Variants in SFTPD observed in about 807,000 individuals in gnomAD.
SFTPD encodes the protein pulmonary surfactant-associated protein D.
Under a neutral mutation model 34.6 loss-of-function variants are expected in SFTPD, and 18 were observed. The ratio of observed to expected loss-of-function variants is 0.52; its 90% CI spans 0.36 to 0.77. The LOEUF is 0.77. Among genes scored for constraint, SFTPD ranks in the 30% least tolerant of loss-of-function variants. SFTPD has a pLI of 0.00. For missense variants in SFTPD, 433 were observed against 468.9 expected, an observed-to-expected ratio of 0.92 and a Z score of 0.71; for synonymous variants, 155 against 180.9, an observed-to-expected ratio of 0.86 and a Z score of 1.15.
chr10:79,958,012 A>C (rs1311336010), intron 1 of SFTPD, among the ~76,000 whole-genome samples: 1 of 152,224 alleles, frequency 6.6e-6, no homozygotes, highest in Admixed American at 6.5e-5. Flanking sequence ...TCTTAAAGAA[A>C]AGAATTTTCA....
chr10:79,937,840 AC>A lies in SFTPD; in HGVS notation c.*11del, dbSNP rs1842571307. On this transcript the variant is annotated 3_prime_UTR_variant, in exon 8 of 8. Transcript: ENST00000372292. Reference sequence around the variant, plus strand: ...TCCTGGGCCAAGCACTGCCCCACCCACCCCAGTTGGCTCAGAACTCGCAGAC... The same window carrying A: ...TCCTGGGCCAAGCACTGCCCCACCCACCCAGTTGGCTCAGAACTCGCAGAC... 1 of 1,527,754 alleles carries A rather than the reference AC, an allele frequency of 6.5e-7. No individual in the cohort carries two copies. 94.6% of individuals were successfully genotyped at this position (1,527,754 alleles called of 1,614,324 possible).
intron 1 of SFTPD, among the ~76,000 whole-genome samples, chr10:79,974,303 G>A (rs1842851997): frequency 6.6e-6 from 1 of 152,054 alleles, no homozygotes; most frequent in Non-Finnish European, 1.5e-5. Context: ...GAGTAGCTGG[G>A]ACTACAGGCA....
chr10:79,946,457 C>T lies in SFTPD; in HGVS notation c.199+4G>A, dbSNP rs1478528040. ...AGCAGGATAAGCCCAGGGCCCCACC[C>T]TACCTGGGTCCCCCTTCTCGCCCCG... On this transcript the variant is annotated splice_donor_region_variant and intron_variant, in intron 2 of 7. Coordinates refer to ENST00000372292, the MANE Select transcript of SFTPD (RefSeq NM_003019.5). 1.2e-6 allele frequency: 2 copies of T among 1,610,830 alleles called. No homozygotes were observed. The highest frequency in any genetic ancestry group is 1.7e-6 in the Non-Finnish European group (2 of 1,177,384).
chr10:79,937,791 C>A lies in SFTPD; in HGVS notation c.*61G>T. On this transcript the variant is annotated 3_prime_UTR_variant, in exon 8 of 8. Coordinates refer to ENST00000372292, the MANE Select transcript of SFTPD (RefSeq NM_003019.5). ...ATTAGGATATTGGCAGCATGAGGGT[C>A]TAAGCCTTGACTTCTGGCCAAACTC... 1 of 1,495,282 alleles carries A rather than the reference C, an allele frequency of 6.7e-7. No individual in the cohort carries two copies. The highest frequency in any genetic ancestry group is 1.4e-5 in the South Asian group (1 of 73,744). The allele number at this position is 1,495,282 out of a possible 1,614,324, so 92.6% of individuals were successfully genotyped here.
intron 1 of SFTPD, 147 bp downstream of exon 1, chr10:79,948,919 G>A (rs1236819359): frequency 2.6e-5 from 4 of 152,292 alleles, no homozygotes; most frequent in African/African-American, 9.7e-5. Context: ...AAGACCTCCT[G>A]TGCTCCCCAC....
chr10:79,958,626 GCA>G (rs1354640165), intron 1 of SFTPD, among the ~76,000 whole-genome samples: 3 of 152,192 alleles, frequency 2.0e-5, no homozygotes, highest in African/African-American at 7.2e-5. Flanking sequence ...CAATACAGGA[GCA>G]CCCAGATTCA....
intron 1 of SFTPD, among the ~76,000 whole-genome samples, chr10:79,963,804 G>A (rs753788149): frequency 1.4e-4 from 21 of 152,158 alleles, no homozygotes; most frequent in Non-Finnish European, 1.2e-4. Context: ...CTCTAGGATA[G>A]TGGCCTCCAG....
At chr10:79,945,854 A>T (rs1474958928) in intron 2 of SFTPD, among the ~76,000 whole-genome samples, 2 of 152,154 alleles carry the variant, frequency 1.3e-5, no homozygotes, top group Non-Finnish European at 2.9e-5. Context: ...AATGGTTGCT[A>T]CTTAGCCTCT....
upstream of SFTPD, chr10:79,949,983 G>T (rs984405797): frequency 6.6e-6 from 1 of 151,600 alleles, no homozygotes; most frequent in Admixed American, 6.6e-5. Flanking sequence ...CTTTACAGGT[G>T]AGCATGATCA....
At chr10:79,945,233 C>T (rs1017215512) in intron 2 of SFTPD, among the ~76,000 whole-genome samples, 5 of 152,104 alleles carry the variant, frequency 3.3e-5, no homozygotes, top group Admixed American at 6.5e-5. Flanking sequence ...GATTCAAATC[C>T]GGGGCCCCAC....
At chr10:79,944,282 T>A (rs1231334653) in intron 2 of SFTPD, among the ~76,000 whole-genome samples, 2 of 152,168 alleles carry the variant, frequency 1.3e-5, no homozygotes, top group African/African-American at 4.8e-5. Flanking sequence ...CAACTCTATC[T>A]CATAGAAACA....
At chr10:79,938,724 C>T (rs1304230070) in intron 7 of SFTPD, among the ~76,000 whole-genome samples, 3 of 152,084 alleles carry the variant, frequency 2.0e-5, no homozygotes, top group Non-Finnish European at 2.9e-5. Context: ...GTGGGGTTGT[C>T]GGAGAGGGTC....
chr10:79,946,745 C>A (rs1048001700), intron 1 of SFTPD, 83 bp from the exon 2 acceptor site: 1 of 1,259,206 alleles, frequency 7.9e-7, no homozygotes. Flanking sequence ...CTAGAGGTGA[C>A]AAGAAGCCCC....
chr10:79,959,672 A>G (rs1318910726), intron 1 of SFTPD, among the ~76,000 whole-genome samples: 1 of 152,112 alleles, frequency 6.6e-6, no homozygotes, highest in Non-Finnish European at 1.5e-5. Flanking sequence ...CAACCAAAAA[A>G]AGTCCAGGAC....
chr10:79,940,889 T>C (rs963952078), intron 6 of SFTPD, 101 bp from the exon 7 acceptor site: 14 of 745,378 alleles, frequency 1.9e-5, no homozygotes, highest in African/African-American at 3.4e-5. Flanking sequence ...CGGGCACATA[T>C]TGTGGGGCTG....
chr10:79,962,178 G>A (rs1249348024), intron 1 of SFTPD, among the ~76,000 whole-genome samples: 1 of 146,378 alleles, frequency 6.8e-6, no homozygotes, highest in African/African-American at 2.5e-5. Context: ...ATAGCATTAG[G>A]AGATATACCT....
upstream of SFTPD, among the ~76,000 whole-genome samples, chr10:79,953,815 A>G (rs546084192): frequency 1.2e-4 from 18 of 152,216 alleles, no homozygotes; most frequent in East Asian, 3.3e-3. Flanking sequence ...ATCGTGTCCC[A>G]TAAGTCCCAT....
At chr10:79,968,347 T>C (rs1392335891) in intron 1 of SFTPD, 3 of 152,246 alleles carry the variant, frequency 2.0e-5, no homozygotes, top group Non-Finnish European at 4.4e-5. Context: ...CCCCAGTGTC[T>C]ATTGCTGCCA....
intron 1 of SFTPD, among the ~76,000 whole-genome samples, chr10:79,974,243 C>T (rs1479911104): frequency 1.3e-5 from 2 of 152,212 alleles, no homozygotes; most frequent in African/African-American, 4.8e-5. Context: ...TCTCGGCTCA[C>T]TGCAAGCTCT....
Sources: allele counts gnomAD v4.1 joint callset (sites outside exome capture counted in the v4.1 genomes callset), GRCh38; gene constraint gnomAD v4.1.1; transcripts MANE v1.5; gene names NCBI Gene and HGNC (gene_info 2026-07-23, HGNC 2026-07-21).